The following MLC1 variants were observed in gnomAD, a reference collection of about 807,000 sequenced individuals.
MLC1 encodes the protein modulator of VRAC current 1, also known as membrane protein MLC1.
A neutral mutation model predicts 44.7 loss-of-function variants in MLC1; 32 were observed. That is an observed-to-expected ratio of 0.72 (90% confidence interval 0.54 to 0.96). The LOEUF is 0.96. Among genes scored for constraint, MLC1 ranks in the 40% least tolerant of loss-of-function variants. The pLI, the probability that MLC1 is intolerant of heterozygous loss-of-function variation, is 0.00. For synonymous variants in MLC1, 190 were observed against 213.0 expected, an observed-to-expected ratio of 0.89 and a Z score of 0.94; for missense variants, 459 against 492.2, an observed-to-expected ratio of 0.93 and a Z score of 0.64.
chr22:50,065,937 G>A (rs1444931860), intron 10 of MLC1, among the ~76,000 whole-genome samples: 1 of 152,198 alleles, frequency 6.6e-6, no homozygotes, highest in African/African-American at 2.4e-5. Context: ...CCATCACTAG[G>A]GACTGGCTGG....
At chr22:50,085,543 C>A (rs913352183), upstream of MLC1, 1 of 159,838 alleles carries the variant, frequency 6.3e-6, no homozygotes, top group South Asian at 1.8e-4. Flanking sequence ...GTTGTGTAAA[C>A]CACTGCCTCG....
At chr22:50,062,607 G>T (rs1385322538) in intron 11 of MLC1, among the ~76,000 whole-genome samples, 1 of 152,278 alleles carries the variant, frequency 6.6e-6, no homozygotes, top group Non-Finnish European at 1.5e-5. Context: ...CCGGGACTTA[G>T]CGGGCACTGG....
At chr22:50,085,237 C>T (rs944615218) in intron 1 of MLC1, 118 bp downstream of exon 1, 35 of 1,229,042 alleles carry the variant, frequency 2.8e-5, no homozygotes, top group South Asian at 4.8e-5. Flanking sequence ...CCATCGGCAA[C>T]TTCGTCCATG....
intron 9 of MLC1, among the ~76,000 whole-genome samples, chr22:50,069,820 C>T (rs1782449119): frequency 6.6e-6 from 1 of 152,210 alleles, no homozygotes; most frequent in African/African-American, 2.4e-5. Context: ...TCATGCCAAG[C>T]ATGGGCAGTC....
intron 3 of MLC1, 21 bp from the exon 4 acceptor site, chr22:50,080,418 C>T: frequency 1.3e-6 from 2 of 1,593,530 alleles, no homozygotes; most frequent in South Asian, 2.3e-5. Flanking sequence ...ACCGGAATCC[C>T]ATGAGCCTGC....
intron 1 of MLC1, 43 bp from the exon 2 acceptor site, chr22:50,085,004 T>C (rs137930): frequency 0.33 from 503,155 of 1,541,730 alleles, 87,940 homozygotes; most frequent in Non-Finnish European, 0.36. Flanking sequence ...CTGAGGAAAC[T>C]TCAATAAGTT....
intron 10 of MLC1, among the ~76,000 whole-genome samples, chr22:50,066,045 A>T (rs933704927): frequency 1.3e-5 from 2 of 152,008 alleles, no homozygotes; most frequent in Non-Finnish European, 2.9e-5. Flanking sequence ...GTTTAAAAAA[A>T]CAAGCAAGGG....
intron 3 of MLC1, 49 bp from the exon 4 acceptor site, chr22:50,080,446 G>T: frequency 6.5e-7 from 1 of 1,541,890 alleles, no homozygotes; most frequent in South Asian, 1.2e-5. Context: ...CTGAGCAACT[G>T]AGACTCTGAA....
intron 9 of MLC1, 80 bp from the exon 10 acceptor site, chr22:50,068,635 G>T (rs75474964): frequency 1.4e-6 from 2 of 1,385,480 alleles, no homozygotes; most frequent in Admixed American, 1.7e-5. Context: ...GGCTGGGGGG[G>T]CGGGCATGGC....
chr22:50,068,477 T>G lies in MLC1; in HGVS notation c.850A>C (p.Met284Leu). ...TCCTTAAACATCTCCACGATTCTCA[T>G]GATGCTGAATGACAGATATCCAGAG... is the stretch of plus-strand genomic sequence containing the variant. Reference protein sequence around the residue: ...TASGYLSFSIMRIVEMFKDYP... With the variant: ...TASGYLSFSILRIVEMFKDYP... Residue 284 changes from methionine (M) to leucine (L), a missense_variant, in exon 10 of 12, where the codon ATG becomes CTG. Transcript: ENST00000311597. The G allele has an allele frequency of 6.2e-7, 1 of 1,613,942 alleles. No individual in the cohort carries two copies. The highest frequency in any genetic ancestry group is 8.5e-7 in the Non-Finnish European group (1 of 1,179,870).
intron 2 of MLC1, among the ~76,000 whole-genome samples, chr22:50,084,203 G>T (rs532522169): frequency 6.6e-6 from 1 of 152,206 alleles, no homozygotes; most frequent in African/African-American, 2.4e-5. Flanking sequence ...CCACGACTGT[G>T]CAGGGAATGG....
At chr22:50,080,805 C>G (rs1480470299) in intron 3 of MLC1, among the ~76,000 whole-genome samples, 1 of 151,984 alleles carries the variant, frequency 6.6e-6, no homozygotes, top group Non-Finnish European at 1.5e-5. Context: ...AGCTTTGAAG[C>G]CTAGAATGTA....
chr22:50,066,764 TCAGTCAGGCATGAGA>T lies in MLC1; in HGVS notation c.894+1654_894+1668del, dbSNP rs1463160637. Among the ~76,000 whole-genome samples, 3 of 152,134 alleles carry T rather than the reference TCAGTCAGGCATGAGA, an allele frequency of 2.0e-5. No individual in the cohort carries two copies. The South Asian group carries it at 6.2e-4, about 32-fold the overall frequency. The stretch of plus-strand genomic sequence containing the variant: ...TCTGGTTGCCCATAAGAGGAGCAGG[TCAGTCAGGCATGAGA>T]CCACAGCTTTTCTGAGCTCGTCTTT... On this transcript the variant is annotated intron_variant, in intron 10 of 11. Coordinates refer to ENST00000311597, the MANE Select transcript of MLC1 (RefSeq NM_015166.4).
intron 5 of MLC1, among the ~76,000 whole-genome samples, chr22:50,078,053 G>A (rs1163581436): frequency 6.7e-6 from 1 of 150,358 alleles, no homozygotes; most frequent in Non-Finnish European, 1.5e-5. Flanking sequence ...AGCAAATGGC[G>A]CAATCTCGGC....
intron 9 of MLC1, 98 bp downstream of exon 9, chr22:50,070,429 G>T: frequency 8.3e-7 from 1 of 1,210,390 alleles, no homozygotes; most frequent in Non-Finnish European, 1.2e-6. Context: ...GCGCTCTCTT[G>T]GGCTGGAGCC....
At chr22:50,070,702 G>T in intron 8 of MLC1, 119 bp from the exon 9 acceptor site, 2 of 1,112,242 alleles carry the variant, frequency 1.8e-6, no homozygotes, top group Admixed American at 4.0e-5. Context: ...TTGCTGTGGG[G>T]GGCAGGGGGG....
intron 10 of MLC1, among the ~76,000 whole-genome samples, chr22:50,064,563 C>A (rs545806786): frequency 6.6e-6 from 1 of 152,246 alleles, no homozygotes; most frequent in Admixed American, 6.5e-5. Flanking sequence ...GAGGCAGAAG[C>A]GCTGACCGTT....
At chr22:50,076,984 G>T (rs1002338403) in intron 6 of MLC1, 72 bp from the exon 7 acceptor site, 22 of 1,550,854 alleles carry the variant, frequency 1.4e-5, no homozygotes, top group African/African-American at 4.1e-5. Context: ...GCATCCGGCC[G>T]CCGTGGGCAG....
chr22:50,081,009 A>AAAAGAAAGAAAGAAAGAAAGAAAG (rs757266134), intron 3 of MLC1, among the ~76,000 whole-genome samples: 17,663 of 96,470 alleles, frequency 0.18, 2,476 homozygotes, highest in Non-Finnish European at 0.21. Context: ...TTGTCTCAAA[A>AAAAGAAAGAAAGAAAGAAAGAAAG]AAAGAAAGAA....
Sources: gnomAD v4.1 joint callset for allele counts (sites outside exome capture counted in the v4.1 genomes callset) on GRCh38, gnomAD v4.1.1 for gene constraint, MANE v1.5 for transcripts, NCBI Gene and HGNC (gene_info 2026-07-23, HGNC 2026-07-21) for gene names.